The following EYS variants were observed in gnomAD, a reference collection of about 807,000 sequenced individuals.
The protein encoded by EYS is protein eyes shut homolog.
Under a neutral mutation model 282.1 loss-of-function variants are expected in EYS, and 250 were observed. The observed-to-expected ratio is 0.89, with a 90% CI of 0.80 to 0.98. The LOEUF is 0.98. Among genes scored for constraint, EYS ranks in the 50% least tolerant of loss-of-function variants. The pLI is 0.00. For synonymous variants in EYS, 1,355 were observed against 1,282.9 expected (o/e 1.06, Z -1.20); for missense variants, 4,016 against 3,709.0 (o/e 1.08, Z -2.15).
intron 2 of EYS, among the ~76,000 whole-genome samples, chr6:65,598,498 T>C (rs910582728): frequency 6.6e-6 from 1 of 152,018 alleles, no homozygotes; most frequent in Non-Finnish European, 1.5e-5. Context: ...TCACACAATA[T>C]CTGCATTGAT....
rs1252880334 is a variant in EYS, at chr6:65,256,539, G to C, written c.2023+39324C>G. ...GCGGTGTTTGGTTTTTTGTTCTTGC[G>C]ATAGTTTACTGAGAATGATGGTTTC... On this transcript the variant is annotated intron_variant, in intron 12 of 42. Transcript: ENST00000503581. 1.9e-3 allele frequency among the ~76,000 whole-genome samples: 202 copies of C among 107,278 alleles called. 4 individuals carry two copies. Among genetic ancestry groups the C allele is most frequent in the Non-Finnish European group, 6.2e-4 (34 of 54,648 alleles). 70.4% of individuals were successfully genotyped at this position (107,278 alleles called of 152,430 possible). A position where few individuals can be genotyped will look rare whatever the true frequency, so the allele number is the denominator to read the frequency against.
chr6:65,417,719 T>C (rs1346202150), intron 5 of EYS, among the ~76,000 whole-genome samples: 4 of 152,040 alleles, frequency 2.6e-5, no homozygotes, highest in African/African-American at 9.7e-5. Flanking sequence ...TTATATGTAA[T>C]AATGCAGCAA....
chr6:63,813,730 C>T (rs951536026), intron 36 of EYS, among the ~76,000 whole-genome samples: 21 of 152,024 alleles, frequency 1.4e-4, no homozygotes, highest in Non-Finnish European at 1.6e-4. Context: ...CACCAGGGAG[C>T]GCTGAGCTAG....
chr6:63,911,764 A>G (rs558120110), intron 35 of EYS, among the ~76,000 whole-genome samples: 1 of 152,304 alleles, frequency 6.6e-6, no homozygotes, highest in South Asian at 2.1e-4. Flanking sequence ...CTAATTGGAG[A>G]TACCATGAGG....
intron 35 of EYS, among the ~76,000 whole-genome samples, chr6:63,931,220 C>T (rs1362933651): frequency 1.3e-5 from 2 of 152,208 alleles, no homozygotes; most frequent in African/African-American, 4.8e-5. Flanking sequence ...CCACCCCATA[C>T]ATCTGCTTTC....
chr6:65,591,243 C>G (rs1307873738), intron 2 of EYS, among the ~76,000 whole-genome samples: 1 of 151,850 alleles, frequency 6.6e-6, no homozygotes, highest in Non-Finnish European at 1.5e-5. Context: ...ACTCTGTCAC[C>G]CAGGCTGGAA....
At chr6:64,225,198 G>T (rs1452928936) in intron 31 of EYS, among the ~76,000 whole-genome samples, 1 of 151,854 alleles carries the variant, frequency 6.6e-6, no homozygotes, top group African/African-American at 2.4e-5. Flanking sequence ...CCCTCAATTT[G>T]ATGAACACTA....
At chr6:65,405,652 A>C (rs1766704836) in intron 5 of EYS, among the ~76,000 whole-genome samples, 1 of 152,058 alleles carries the variant, frequency 6.6e-6, no homozygotes. Flanking sequence ...TTTGTACCCA[A>C]GCCCAGTTCC....
At chr6:64,103,040 T>C (rs991618421) in intron 31 of EYS, among the ~76,000 whole-genome samples, 6 of 152,084 alleles carry the variant, frequency 3.9e-5, no homozygotes, top group African/African-American at 1.4e-4. Flanking sequence ...AGAAAGGGAA[T>C]ATGATAGGTA....
intron 29 of EYS, among the ~76,000 whole-genome samples, chr6:64,372,097 C>T (rs1772392403): frequency 7.1e-6 from 1 of 140,172 alleles, no homozygotes; most frequent in East Asian, 2.2e-4. Context: ...GTTTGTGTGG[C>T]TGCTTTATAG....
At chr6:64,313,080 C>T (rs1304899542) in intron 29 of EYS, among the ~76,000 whole-genome samples, 1 of 152,164 alleles carries the variant, frequency 6.6e-6, no homozygotes, top group Non-Finnish European at 1.5e-5. Context: ...ATAACAAACT[C>T]CTCTGAGCTA....
Position 64,936,035 on chromosome 6 carries a change from A to G in EYS, c.2381+9758T>C, listed in dbSNP as rs545827207. Reference sequence around the variant, plus strand: ...TATGCCTTAGGAATACAGACCCCAAATTCCTTCATGAAGTACTAGCAAATG... The same window carrying G: ...TATGCCTTAGGAATACAGACCCCAAGTTCCTTCATGAAGTACTAGCAAATG... On this transcript the variant is annotated intron_variant, in intron 15 of 42. Transcript: ENST00000503581. Among the ~76,000 whole-genome samples, 54 of 151,688 alleles carry G rather than the reference A, an allele frequency of 3.6e-4. 1 individual carries two copies. The highest frequency in any genetic ancestry group is 1.1e-3 in the African/African-American group (45 of 41,508).
intron 42 of EYS, among the ~76,000 whole-genome samples, chr6:63,725,076 T>A (rs1244011205): frequency 6.6e-6 from 1 of 152,144 alleles, no homozygotes; most frequent in Non-Finnish European, 1.5e-5. Context: ...TTGTTTTTGG[T>A]TAATCTAGGT....
chr6:64,960,668 G>T (rs1769881412), intron 14 of EYS, among the ~76,000 whole-genome samples: 1 of 152,040 alleles, frequency 6.6e-6, no homozygotes. Flanking sequence ...TTTATATTAA[G>T]TTCAGGGGTA....
intron 22 of EYS, among the ~76,000 whole-genome samples, chr6:64,740,515 G>A (rs538727898): frequency 1.9e-4 from 29 of 152,148 alleles, no homozygotes; most frequent in African/African-American, 7.0e-4. Flanking sequence ...TGGTACCTAA[G>A]CAAACCTATA....
chr6:64,610,986 T>C (rs1029727780), intron 24 of EYS, among the ~76,000 whole-genome samples: 1 of 152,006 alleles, frequency 6.6e-6, no homozygotes, highest in Admixed American at 6.6e-5. Context: ...TTCCCCCCCA[T>C]AGCACTCATT....
chr6:65,388,866 C>G (rs1205521802), intron 7 of EYS, among the ~76,000 whole-genome samples: 2 of 152,068 alleles, frequency 1.3e-5, no homozygotes, highest in African/African-American at 4.8e-5. Flanking sequence ...TAATCACAAT[C>G]TGTTTTCTAG....
intron 15 of EYS, among the ~76,000 whole-genome samples, chr6:64,915,585 T>G (rs1768135391): frequency 6.6e-6 from 1 of 152,134 alleles, no homozygotes; most frequent in Admixed American, 6.6e-5. Flanking sequence ...ACCTACACTG[T>G]TTACTAGATG....
intron 22 of EYS, among the ~76,000 whole-genome samples, chr6:64,734,077 G>T (rs1452124825): frequency 1.3e-5 from 2 of 151,486 alleles, no homozygotes; most frequent in African/African-American, 2.4e-5. Flanking sequence ...ATATTGTGGT[G>T]CTTACCCAAT....
Sources: gnomAD v4.1 joint callset for allele counts (sites outside exome capture counted in the v4.1 genomes callset) on GRCh38, gnomAD v4.1.1 for gene constraint, MANE v1.5 for transcripts, NCBI Gene and HGNC (gene_info 2026-07-23, HGNC 2026-07-21) for gene names.